The following H4C8 variants were observed in gnomAD, a reference collection of about 807,000 sequenced individuals.
H4C8 encodes H4 clustered histone 8.
H4C8 carries 8 observed loss-of-function variants against 6.0 expected under a neutral mutation model. The observed-to-expected ratio is 1.33, with a 90% confidence interval of 0.78 to 2.40. The LOEUF is 2.40. H4C8 is among the 30% of genes most tolerant of loss of function. H4C8 has a pLI of 0.00. For missense variants in H4C8, 211 were observed against 143.4 expected, an observed-to-expected ratio of 1.47 and a Z score of -2.41; for synonymous variants, 118 against 51.9, an observed-to-expected ratio of 2.27 and a Z score of -5.47.
chr6:26,285,307 T>C lies in H4C8; in HGVS notation c.193A>G (p.Asn65Asp). The C allele has an allele frequency of 6.2e-7, 1 of 1,614,218 alleles. No individual in the cohort carries two copies. The highest frequency in any genetic ancestry group is 8.5e-7 in the Non-Finnish European group (1 of 1,180,032). Residue 65 changes from asparagine (N) to aspartate (D), a missense_variant, in exon 1 of 1, where the codon AAC becomes GAC. By Grantham distance (23) the Asn-to-Asp change is conservative. Transcript: ENST00000377727. ...TAAGTGACAGCGTCACGAATCACGTTCTCCAGGAACACCTTCAGAACACCA... is the reference window on the plus strand; with the variant it reads ...TAAGTGACAGCGTCACGAATCACGTCCTCCAGGAACACCTTCAGAACACCA... ...TRGVLKVFLE[N>D]VIRDAVTYTE...
At position 26,285,176 on chromosome 6, in the gene H4C8, C is replaced by A; in HGVS notation, c.*12G>T. 1 of 1,568,638 alleles carries A rather than the reference C, an allele frequency of 6.4e-7. No individual in the cohort carries two copies. Among genetic ancestry groups the A allele is most frequent in the South Asian group, 1.2e-5 (1 of 86,894 alleles). On this transcript the variant is annotated 3_prime_UTR_variant, in exon 1 of 1. Transcript: ENST00000377727. ...GTTGAAAATGAAAATAAGAGTGCAG[C>A]AAGCAGGAGCCTTAGCCACCGAAGC...
rs771187095 is a variant in H4C8, at chr6:26,285,183, G to C, written c.*5C>G. ...ATGAAAATAAGAGTGCAGCAAGCAG[G>C]AGCCTTAGCCACCGAAGCCGTAAAG... On this transcript the variant is annotated 3_prime_UTR_variant, in exon 1 of 1. Transcript: ENST00000377727. 4.4e-6 allele frequency: 7 copies of C among 1,580,668 alleles called. No individual in the cohort carries two copies. In the African/African-American group the frequency reaches 5.4e-5, roughly 12 times the overall value.
Position 26,285,202 on chromosome 6 carries a change from C to T in H4C8, c.298G>A (p.Gly100Ser), listed in dbSNP as rs1207701789. The T allele has an allele frequency of 1.3e-6, 2 of 1,598,322 alleles. No individual in the cohort carries two copies. The change falls in exon 1 of 1, where the codon GGC becomes AGC. Residue 100 changes from glycine (G) to serine (S), a missense_variant. Transcript: ENST00000377727. ...ALKRQGRTLY[G>S]FGG ...AAGCAGGAGCCTTAGCCACCGAAGC[C>T]GTAAAGAGTGCGTCCCTGTCGCTTC...
Position 26,285,243 on chromosome 6 carries a change from T to C in H4C8, c.257A>G (p.Asp86Gly), listed in dbSNP as rs747301666. Residue 86 changes from aspartate to glycine, a missense_variant, in exon 1 of 1, where the codon GAT becomes GGT. Physicochemically the swap from Asp to Gly is moderately conservative, Grantham distance 94 (BLOSUM62 -1). Coordinates refer to ENST00000377727, the MANE Select transcript of H4C8 (RefSeq NM_003543.4). Reference protein sequence around the residue: ...HAKRKTVTAMDVVYALKRQGR... With the variant: ...HAKRKTVTAMGVVYALKRQGR... ...CTGTCGCTTCAGCGCGTAGACCACA[T>C]CCATTGCTGTCACGGTCTTGCGTTT... 6.2e-7 allele frequency: 1 copy of C among 1,613,666 alleles called. No homozygotes were observed. Among genetic ancestry groups the C allele is most frequent in the Non-Finnish European group, 8.5e-7 (1 of 1,179,580 alleles).
chr6:26,285,271 C>A lies in H4C8; in HGVS notation c.229G>T (p.Ala77Ser), dbSNP rs866981647. The A allele has an allele frequency of 6.2e-7, 1 of 1,614,192 alleles. No individual in the cohort carries two copies. Among genetic ancestry groups the A allele is most frequent in the Non-Finnish European group, 8.5e-7 (1 of 1,180,010 alleles). The change falls in exon 1 of 1, where the codon GCC becomes TCC. Residue 77 changes from alanine (A) to serine (S), a missense_variant. By Grantham distance (99) the Ala-to-Ser change is moderately conservative (BLOSUM62 1). Coordinates refer to ENST00000377727, the MANE Select transcript of H4C8 (RefSeq NM_003543.4). ...IRDAVTYTEH[A>S]KRKTVTAMDV... ...ATTGCTGTCACGGTCTTGCGTTTGG[C>A]GTGCTCTGTGTAAGTGACAGCGTCA...
At position 26,285,352 on chromosome 6, in the gene H4C8, G is replaced by T; in HGVS notation, c.148C>A (p.Leu50Ile). ...RRGGVKRISG[L>I]IYEETRGVLK... The stretch of plus-strand genomic sequence containing the variant: ...ACACCACGAGTCTCCTCATAGATAA[G>T]GCCAGAAATTCGCTTGACACCGCCG... The change falls in exon 1 of 1, where the codon CTT becomes ATT. Residue 50 changes from leucine (L) to isoleucine (I), a missense_variant. Physicochemically the swap from Leu to Ile is conservative, Grantham distance 5. Coordinates refer to ENST00000377727, the MANE Select transcript of H4C8 (RefSeq NM_003543.4). The T allele has an allele frequency of 6.2e-7, 1 of 1,614,244 alleles. No individual in the cohort carries two copies. Among genetic ancestry groups the T allele is most frequent in the Non-Finnish European group, 8.5e-7 (1 of 1,180,050 alleles).
Position 26,285,490 on chromosome 6 carries a change from G to T in H4C8, c.10C>A (p.Arg4Ser). MSG[R>S]GKGGKGLGKG... Reference sequence around the variant, plus strand: ...CCCAAACCTTTTCCACCTTTACCACGGCCAGACATGACTAAGCAACTTCTA... The same window carrying T: ...CCCAAACCTTTTCCACCTTTACCACTGCCAGACATGACTAAGCAACTTCTA... The change falls in exon 1 of 1, where the codon CGT becomes AGT. Residue 4 changes from arginine to serine, a missense_variant. By Grantham distance (110) the Arg-to-Ser change is moderately radical. Transcript: ENST00000377727. The T allele has an allele frequency of 6.2e-7, 1 of 1,602,190 alleles. No homozygotes were observed. The highest frequency in any genetic ancestry group is 8.5e-7 in the Non-Finnish European group (1 of 1,170,696).
chr6:26,285,139 A>AT lies in H4C8; in HGVS notation c.*48_*49insA. The AT allele has an allele frequency of 6.6e-7, 1 of 1,521,458 alleles. No homozygotes were observed. Among genetic ancestry groups the AT allele is most frequent in the South Asian group, 1.3e-5 (1 of 76,892 alleles). 94.2% of individuals were successfully genotyped at this position (1,521,458 alleles called of 1,614,324 possible). ...TTATGAAAAAAGTGGGCGGCCCTGA[A>AT]AAGGGCCTTTGGTTGAAAATGAAAA... On this transcript the variant is annotated 3_prime_UTR_variant, in exon 1 of 1. Transcript: ENST00000377727.
In H4C8 at chr6:26,285,488, A is replaced by T; in HGVS notation, c.12T>A (p.Arg4=). Residue 4 remains arginine (R), a synonymous_variant, in exon 1 of 1, where the codon CGT becomes CGA. Transcript: ENST00000377727. MSG[R]GKGGKGLGKG... is the part of the protein sequence containing the mutation. ...TACCCAAACCTTTTCCACCTTTACC[A>T]CGGCCAGACATGACTAAGCAACTTC... The T allele has an allele frequency of 6.2e-7, 1 of 1,602,396 alleles. No homozygotes were observed. The highest frequency in any genetic ancestry group is 8.5e-7 in the Non-Finnish European group (1 of 1,170,822).
In H4C8 at chr6:26,285,172, G is replaced by T; in HGVS notation, c.*16C>A. 1 of 1,565,174 alleles carries T rather than the reference G, an allele frequency of 6.4e-7. No individual in the cohort carries two copies. Among genetic ancestry groups the T allele is most frequent in the Non-Finnish European group, 8.7e-7 (1 of 1,151,224 alleles). On this transcript the variant is annotated 3_prime_UTR_variant, in exon 1 of 1. Coordinates refer to ENST00000377727, the MANE Select transcript of H4C8 (RefSeq NM_003543.4). ...TTTGGTTGAAAATGAAAATAAGAGT[G>T]CAGCAAGCAGGAGCCTTAGCCACCG...
chr6:26,285,393 C>G lies in H4C8; in HGVS notation c.107G>C (p.Arg36Pro). ...NIQGITKPAI[R>P]RLARRGGVKR... ...GACACCGCCGCGACGAGCAAGGCGC[C>G]GGATAGCTGGCTTAGTGATGCCCTG... Residue 36 changes from arginine to proline, a missense_variant, in exon 1 of 1, where the codon CGG (arginine) becomes CCG (proline). Physicochemically the swap from Arg to Pro is moderately radical, Grantham distance 103. Transcript: ENST00000377727. 1.9e-6 allele frequency: 3 copies of G among 1,614,240 alleles called. No individual in the cohort carries two copies. Among genetic ancestry groups the G allele is most frequent in the Non-Finnish European group, 1.7e-6 (2 of 1,180,044 alleles).
rs1760721451 is a variant in H4C8 at position 26,285,467 on chromosome 6, C to T, written c.33G>A (p.Leu11=). Residue 11 remains leucine, a synonymous_variant, in exon 1 of 1, where the codon TTG becomes TTA. Coordinates refer to ENST00000377727, the MANE Select transcript of H4C8 (RefSeq NM_003543.4). MSGRGKGGKG[L]GKGGAKRHRK... ...GATGACGCTTAGCTCCTCCCTTACC[C>T]AAACCTTTTCCACCTTTACCACGGC... 6.2e-7 allele frequency: 1 copy of T among 1,610,118 alleles called. No homozygotes were observed. The highest frequency in any genetic ancestry group is 8.5e-7 in the Non-Finnish European group (1 of 1,176,602).
chr6:26,285,211 T>C lies in H4C8; in HGVS notation c.289A>G (p.Thr97Ala). ...VVYALKRQGR[T>A]LYGFGG Reference sequence around the variant, plus strand: ...CCTTAGCCACCGAAGCCGTAAAGAGTGCGTCCCTGTCGCTTCAGCGCGTAG... The same window carrying C: ...CCTTAGCCACCGAAGCCGTAAAGAGCGCGTCCCTGTCGCTTCAGCGCGTAG... The change falls in exon 1 of 1, where the codon ACT becomes GCT. Residue 97 changes from threonine (T) to alanine (A), a missense_variant. Thr to Ala is a moderately conservative substitution (Grantham distance 58). Transcript: ENST00000377727. 6.2e-7 allele frequency: 1 copy of C among 1,604,548 alleles called. No individual in the cohort carries two copies. The highest frequency in any genetic ancestry group is 8.5e-7 in the Non-Finnish European group (1 of 1,172,524).
In H4C8 at chr6:26,285,186, C is replaced by A; in HGVS notation, c.*2G>T. 1.3e-6 allele frequency: 2 copies of A among 1,586,154 alleles called. No homozygotes were observed. Among genetic ancestry groups the A allele is most frequent in the African/African-American group, 1.3e-5 (1 of 74,376 alleles). ...AAAATAAGAGTGCAGCAAGCAGGAG[C>A]CTTAGCCACCGAAGCCGTAAAGAGT... On this transcript the variant is annotated 3_prime_UTR_variant, in exon 1 of 1. Coordinates refer to ENST00000377727, the MANE Select transcript of H4C8 (RefSeq NM_003543.4).
rs147282032 is a variant in H4C8, at chr6:26,285,263, G to A, written c.237C>T (p.Arg79=). The change falls in exon 1 of 1, where the codon CGC becomes CGT. Residue 79 remains arginine, a synonymous_variant. Coordinates refer to ENST00000377727, the MANE Select transcript of H4C8 (RefSeq NM_003543.4). ...CCACATCCATTGCTGTCACGGTCTT[G>A]CGTTTGGCGTGCTCTGTGTAAGTGA... ...DAVTYTEHAK[R]KTVTAMDVVY... The A allele has an allele frequency of 2.9e-5, 46 of 1,614,004 alleles. No individual in the cohort carries two copies. Among genetic ancestry groups the A allele is most frequent in the African/African-American group, 2.3e-4 (17 of 74,928 alleles).
At position 26,285,242 on chromosome 6, in the gene H4C8, A is replaced by G. The variant is rs368960334; in HGVS notation, c.258T>C (p.Asp86=). 3.7e-6 allele frequency: 6 copies of G among 1,613,646 alleles called. No homozygotes were observed. The highest frequency in any genetic ancestry group is 1.3e-5 in the African/African-American group (1 of 74,946). Residue 86 remains aspartate (D), a synonymous_variant, in exon 1 of 1, where the codon GAT becomes GAC. Coordinates refer to ENST00000377727, the MANE Select transcript of H4C8 (RefSeq NM_003543.4). Reference sequence around the variant, plus strand: ...CCTGTCGCTTCAGCGCGTAGACCACATCCATTGCTGTCACGGTCTTGCGTT... The same window carrying G: ...CCTGTCGCTTCAGCGCGTAGACCACGTCCATTGCTGTCACGGTCTTGCGTT... ...HAKRKTVTAM[D]VVYALKRQGR...
chr6:26,285,194 A>G lies in H4C8; in HGVS notation c.306T>C (p.Gly102=). Reference sequence around the variant, plus strand: ...AGTGCAGCAAGCAGGAGCCTTAGCCACCGAAGCCGTAAAGAGTGCGTCCCT... The same window carrying G: ...AGTGCAGCAAGCAGGAGCCTTAGCCGCCGAAGCCGTAAAGAGTGCGTCCCT... ...KRQGRTLYGF[G]G Residue 102 remains glycine (G), a synonymous_variant, in exon 1 of 1, where the codon GGT becomes GGC. Transcript: ENST00000377727. 2 of 1,591,296 alleles carry G rather than the reference A, an allele frequency of 1.3e-6. No homozygotes were observed. Among genetic ancestry groups the G allele is most frequent in the Non-Finnish European group, 1.7e-6 (2 of 1,163,170 alleles).
chr6:26,285,289 C>T lies in H4C8; in HGVS notation c.211G>A (p.Val71Ile). The change falls in exon 1 of 1, where the codon GTC becomes ATC. Residue 71 changes from valine (V) to isoleucine (I), a missense_variant. Physicochemically the swap from Val to Ile is conservative, Grantham distance 29 (BLOSUM62 3). Transcript: ENST00000377727. Reference sequence around the variant, plus strand: ...CGTTTGGCGTGCTCTGTGTAAGTGACAGCGTCACGAATCACGTTCTCCAGG... The same window carrying T: ...CGTTTGGCGTGCTCTGTGTAAGTGATAGCGTCACGAATCACGTTCTCCAGG... ...VFLENVIRDAVTYTEHAKRKT... is the reference protein window; with the variant it reads ...VFLENVIRDAITYTEHAKRKT... 6.2e-7 allele frequency: 1 copy of T among 1,614,240 alleles called. No homozygotes were observed. Among genetic ancestry groups the T allele is most frequent in the Non-Finnish European group, 8.5e-7 (1 of 1,180,050 alleles).
At position 26,285,507 on chromosome 6, in the gene H4C8, C is replaced by G. The variant is rs377587344; in HGVS notation, c.-8G>C. On this transcript the variant is annotated 5_prime_UTR_variant, in exon 1 of 1. Transcript: ENST00000377727. ...TTTACCACGGCCAGACATGACTAAG[C>G]AACTTCTAAAACCAACTTAAGAAAC... 1.9e-6 allele frequency: 3 copies of G among 1,588,692 alleles called. No individual in the cohort carries two copies. Among genetic ancestry groups the G allele is most frequent in the African/African-American group, 1.3e-5 (1 of 74,100 alleles).
Sources: gnomAD v4.1 joint callset for allele counts on GRCh38, gnomAD v4.1.1 for gene constraint, MANE v1.5 for transcripts, NCBI Gene and HGNC (gene_info 2026-07-23, HGNC 2026-07-21) for gene names.